The following TACC1 variants were observed in gnomAD, a reference collection of about 807,000 sequenced individuals.
TACC1 encodes the protein transforming acidic coiled-coil containing protein 1.
A neutral mutation model predicts 84.4 loss-of-function variants in TACC1; 48 were observed. The observed-to-expected ratio is 0.57, with a 90% CI of 0.45 to 0.72. The LOEUF (loss-of-function observed/expected upper bound fraction) is 0.72, where lower values mean the gene tolerates loss of function less well. Ranked by LOEUF, TACC1 falls within the 30% of genes least tolerant of loss-of-function variation. The pLI, the probability that TACC1 is intolerant of heterozygous loss-of-function variation, is 0.00. For missense variants in TACC1, 920 were observed against 973.0 expected (o/e 0.95, Z 0.72); for synonymous variants, 372 against 376.3 (o/e 0.99, Z 0.13).
chr8:38,807,257 T>C (rs1395346841), intron 2 of TACC1, among the ~76,000 whole-genome samples: 1 of 152,186 alleles, frequency 6.6e-6, no homozygotes, highest in Non-Finnish European at 1.5e-5. Flanking sequence ...ATTCCCATCT[T>C]CTAATCATGC....
upstream of TACC1, among the ~76,000 whole-genome samples, chr8:38,783,217 T>C (rs1375310620): frequency 6.6e-6 from 1 of 151,204 alleles, no homozygotes; most frequent in Non-Finnish European, 1.5e-5. Flanking sequence ...TGACCTAGGT[T>C]GAATGGTATA....
At position 38,838,277 on chromosome 8, in the gene TACC1, G is replaced by A. The variant is rs2292742; in HGVS notation, c.1840-193G>A. On this transcript the variant is annotated intron_variant, in intron 7 of 12. Transcript: ENST00000317827. ...AGATGTTCTACTCATCTTTATTCCC[G>A]TGTCTGCATCCCAGCATTCAGTGTG... Among the ~76,000 whole-genome samples, 40 of 152,302 alleles carry A rather than the reference G, an allele frequency of 2.6e-4. No homozygotes were observed. The East Asian group carries it at 7.1e-3, about 27-fold the overall frequency.
chr8:38,787,867 G>T (rs1027796151), intron 1 of TACC1, 124 bp downstream of exon 1: 2 of 972,708 alleles, frequency 2.1e-6, no homozygotes, highest in African/African-American at 1.7e-5. Flanking sequence ...CCGCGTCCCT[G>T]CCCGGAGCCG....
chr8:38,834,284 T>TC (rs962949052), intron 6 of TACC1, among the ~76,000 whole-genome samples: 12 of 152,220 alleles, frequency 7.9e-5, no homozygotes, highest in African/African-American at 2.9e-4. Flanking sequence ...GGCAGAGACA[T>TC]CGGCTCCTTG....
intron 3 of TACC1, among the ~76,000 whole-genome samples, chr8:38,766,221 C>G (rs572380119): frequency 2.0e-5 from 3 of 152,340 alleles, no homozygotes; most frequent in African/African-American, 7.2e-5. Context: ...TCCCAGAACA[C>G]TTACTGTTAC....
At chr8:38,764,693 G>A (rs779798390) in intron 3 of TACC1, among the ~76,000 whole-genome samples, 20 of 152,146 alleles carry the variant, frequency 1.3e-4, no homozygotes, top group African/African-American at 4.3e-4. Context: ...TTGGCCGTGC[G>A]CAGTGGCTCA....
Position 38,852,086 on chromosome 8 carries a change from G to A in TACC1, c.*4063G>A. On this transcript the variant is annotated 3_prime_UTR_variant, in exon 13 of 13. Coordinates refer to ENST00000317827, the MANE Select transcript of TACC1 (RefSeq NM_006283.3). ...ACTATCAGCGGCAGCATTCTCCAGG[G>A]AAGACCCATCCCCTAGTGCCAGAGC... 2.7e-6 allele frequency: 1 copy of A among 368,036 alleles called. No individual in the cohort carries two copies. Among genetic ancestry groups the A allele is most frequent in the Non-Finnish European group, 5.6e-6 (1 of 179,294 alleles). 22.8% of individuals were successfully genotyped at this position (368,036 alleles called of 1,614,324 possible).
rs139361507 is a variant in TACC1, at chr8:38,778,838, C to G, written c.27-9866C>G. On this transcript the variant is annotated intron_variant, in intron 3 of 14. Coordinates refer to the TACC1 transcript ENST00000518415. ...GAAACCACCCTAAAAGGAAGTATAGCGAAAGAGCATCCCAAAGAAAGAGAT... is the reference window on the plus strand; with the variant it reads ...GAAACCACCCTAAAAGGAAGTATAGGGAAAGAGCATCCCAAAGAAAGAGAT... Among the ~76,000 whole-genome samples the G allele has an allele frequency of 1.4e-4, 22 of 152,202 alleles. No homozygotes were observed. In the East Asian group the frequency reaches 1.7e-3, roughly 12 times the overall value.
chr8:38,827,089 T>C, intron 4 of TACC1, 79 bp from the exon 5 acceptor site: 1 of 1,265,516 alleles, frequency 7.9e-7, no homozygotes, highest in Non-Finnish European at 1.1e-6. Context: ...TGTGTCTACT[T>C]TGTTCCATTC....
intron 3 of TACC1, among the ~76,000 whole-genome samples, chr8:38,822,315 T>C (rs1306506374): frequency 1.4e-5 from 2 of 148,012 alleles, no homozygotes; most frequent in East Asian, 3.9e-4. Context: ...TATCTAAACA[T>C]ATCTAAGCAT....
At chr8:38,731,976 G>A (rs1805017339) in intron 1 of TACC1, among the ~76,000 whole-genome samples, 1 of 152,156 alleles carries the variant, frequency 6.6e-6, no homozygotes, top group Admixed American at 6.5e-5. Context: ...GCTGGGTGTG[G>A]TGCCAGGTGC....
chr8:38,759,228 G>A (rs1810729372), intron 3 of TACC1, among the ~76,000 whole-genome samples: 1 of 152,130 alleles, frequency 6.6e-6, no homozygotes, highest in Non-Finnish European at 1.5e-5. Context: ...CCTTATGTGT[G>A]AAACAGGAAT....
chr8:38,764,371 CCTGGCCCAGAGCATCCTTTTCAATG>C (rs1178606863), intron 3 of TACC1, among the ~76,000 whole-genome samples: 1 of 151,208 alleles, frequency 6.6e-6, no homozygotes, highest in Non-Finnish European at 1.5e-5. Context: ...AGCCACTGCG[CCTGGCCCAGAGCATCCTTTTCAATG>C]CTGGGCACTA....
chr8:38,788,400 T>A, intron 1 of TACC1: 1 of 266,404 alleles, frequency 3.8e-6, no homozygotes, highest in South Asian at 5.6e-5. Context: ...ACAAAAGGAG[T>A]CTGTTGGAAA....
At chr8:38,846,876 C>T in intron 12 of TACC1, 57 bp downstream of exon 12, 1 of 1,597,858 alleles carries the variant, frequency 6.3e-7, no homozygotes, top group Admixed American at 1.7e-5. Flanking sequence ...TCCTCCTCAG[C>T]AGTGACTCAC....
chr8:38,811,109 C>A (rs1266580207), intron 2 of TACC1, among the ~76,000 whole-genome samples: 2 of 151,744 alleles, frequency 1.3e-5, no homozygotes, highest in Non-Finnish European at 2.9e-5. Flanking sequence ...CAGAGTGAGA[C>A]CCTGTCTCTA....
chr8:38,732,601 TTGAC>T (rs1378172330), intron 1 of TACC1, among the ~76,000 whole-genome samples: 4 of 152,204 alleles, frequency 2.6e-5, no homozygotes, highest in South Asian at 2.1e-4. Flanking sequence ...ATGGCTGACA[TTGAC>T]TGAGCACTTA....
intron 3 of TACC1, among the ~76,000 whole-genome samples, chr8:38,769,428 T>TG (rs200661075): frequency 1.7e-5 from 2 of 117,358 alleles, no homozygotes; most frequent in African/African-American, 3.4e-5. Context: ...CTGTATGAGG[T>TG]GGGGGGGTGT....
At chr8:38,761,897 A>G (rs1298098318) in intron 3 of TACC1, among the ~76,000 whole-genome samples, 2 of 152,236 alleles carry the variant, frequency 1.3e-5, no homozygotes, top group Non-Finnish European at 2.9e-5. Context: ...AAGGGACCCA[A>G]GACATGTGGA....
Sources: allele counts gnomAD v4.1 joint callset (sites outside exome capture counted in the v4.1 genomes callset), GRCh38; gene constraint gnomAD v4.1.1; transcripts MANE v1.5; gene names NCBI Gene and HGNC (gene_info 2026-07-23, HGNC 2026-07-21).